Variants in CNTNAP2 observed in about 807,000 individuals in gnomAD.
CNTNAP2 encodes contactin associated protein 2.
In CNTNAP2, 98 loss-of-function variants were observed where a neutral mutation model predicts 155.2. That is an observed-to-expected ratio of 0.63 (90% CI 0.54 to 0.75). The LOEUF (loss-of-function observed/expected upper bound fraction) is 0.75, where lower values mean the gene tolerates loss of function less well. Among genes scored for constraint, CNTNAP2 ranks in the 30% least tolerant of loss-of-function variants. CNTNAP2 has a pLI of 0.00. For synonymous variants in CNTNAP2, 651 were observed against 631.2 expected (o/e 1.03, Z -0.47); for missense variants, 1,727 against 1,688.1 (o/e 1.02, Z -0.40).
intron 1 of CNTNAP2, among the ~76,000 whole-genome samples, chr7:146,574,510 G>A (rs1044624523): frequency 6.6e-6 from 1 of 152,082 alleles, no homozygotes; most frequent in African/African-American, 2.4e-5. Flanking sequence ...AGACCATTCT[G>A]GCCAACATGG....
intron 13 of CNTNAP2, among the ~76,000 whole-genome samples, chr7:147,763,614 C>T (rs1797341195): frequency 6.6e-6 from 1 of 152,112 alleles, no homozygotes; most frequent in Non-Finnish European, 1.5e-5. Context: ...TTGTGTTTCT[C>T]TGAAGACTTA....
At chr7:146,888,383 TTAAC>T (rs745628019) in intron 3 of CNTNAP2, among the ~76,000 whole-genome samples, 13 of 152,276 alleles carry the variant, frequency 8.5e-5, no homozygotes, top group Non-Finnish European at 1.6e-4. Context: ...CACTTGTTAA[TTAAC>T]TTTCATTTAC....
At chr7:146,540,852 G>A (rs1797942540) in intron 1 of CNTNAP2, among the ~76,000 whole-genome samples, 1 of 152,024 alleles carries the variant, frequency 6.6e-6, no homozygotes, top group African/African-American at 2.4e-5. Context: ...ATTACAGAAT[G>A]CGTGTTTCAT....
chr7:146,880,243 G>A (rs1426334101), intron 3 of CNTNAP2, among the ~76,000 whole-genome samples: 2 of 152,074 alleles, frequency 1.3e-5, no homozygotes, highest in Non-Finnish European at 2.9e-5. Flanking sequence ...AGCCTATGGT[G>A]ATTAGGTCCT....
At chr7:146,777,598 C>G (rs941392361) in intron 2 of CNTNAP2, among the ~76,000 whole-genome samples, 2 of 150,484 alleles carry the variant, frequency 1.3e-5, no homozygotes, top group African/African-American at 2.4e-5. Flanking sequence ...GGGTCTTGCT[C>G]TGTTGCCTGG....
Position 146,348,232 on chromosome 7 carries a change from A to T in CNTNAP2, c.97+231259A>T, listed in dbSNP as rs187896830. 1.4e-3 allele frequency among the ~76,000 whole-genome samples: 211 copies of T among 152,242 alleles called. 2 individuals are homozygous for T. Among genetic ancestry groups the T allele is most frequent in the Admixed American group, 2.7e-3 (41 of 15,286 alleles). ...TCAGGAGTTCAAGATCAGCCTGGCC[A>T]ATATAGCAAAACCCTGTCTCTACTA... On this transcript the variant is annotated intron_variant, in intron 1 of 23. Transcript: ENST00000361727.
chr7:147,151,691 A>G (rs1174006165), intron 8 of CNTNAP2, among the ~76,000 whole-genome samples: 1 of 152,194 alleles, frequency 6.6e-6, no homozygotes, highest in Non-Finnish European at 1.5e-5. Context: ...AAAACTAAAA[A>G]AAAAATCATG....
intron 12 of CNTNAP2, among the ~76,000 whole-genome samples, chr7:147,581,350 T>TG (rs1314090997): frequency 6.6e-6 from 1 of 152,012 alleles, no homozygotes; most frequent in Non-Finnish European, 1.5e-5. Flanking sequence ...TACAAGTAAT[T>TG]TTGGGCTATT....
intron 2 of CNTNAP2, among the ~76,000 whole-genome samples, chr7:146,783,305 A>G (rs11766778): frequency 1.3e-5 from 2 of 152,180 alleles, no homozygotes; most frequent in African/African-American, 2.4e-5. Context: ...AATATATTCT[A>G]TCTTTTAAAT....
intron 1 of CNTNAP2, among the ~76,000 whole-genome samples, chr7:146,666,603 A>G (rs896388584): frequency 2.0e-5 from 3 of 152,126 alleles, no homozygotes; most frequent in Non-Finnish European, 2.9e-5. Flanking sequence ...GAACTAGTTT[A>G]CATTCCCACC....
At chr7:146,445,337 A>T (rs2129120870) in intron 1 of CNTNAP2, among the ~76,000 whole-genome samples, 1 of 152,296 alleles carries the variant, frequency 6.6e-6, no homozygotes, top group South Asian at 2.1e-4. Flanking sequence ...AAAAAGAGAA[A>T]TTTACTTGTG....
chr7:148,201,054 T>C (rs1221955670), intron 18 of CNTNAP2, among the ~76,000 whole-genome samples: 1 of 152,212 alleles, frequency 6.6e-6, no homozygotes, highest in Non-Finnish European at 1.5e-5. Flanking sequence ...AAATTCATCA[T>C]CTCCCTAATG....
chr7:148,214,062 C>A (rs1795595365), intron 18 of CNTNAP2, among the ~76,000 whole-genome samples: 1 of 152,228 alleles, frequency 6.6e-6, no homozygotes, highest in South Asian at 2.1e-4. Flanking sequence ...GGCTACCCAC[C>A]TCTGGCCCTC....
chr7:148,042,741 G>A (rs773599205), intron 15 of CNTNAP2, among the ~76,000 whole-genome samples: 3 of 152,108 alleles, frequency 2.0e-5, no homozygotes, highest in Non-Finnish European at 2.9e-5. Context: ...TGTTTACCTC[G>A]TCCCTCTTCA....
intron 8 of CNTNAP2, among the ~76,000 whole-genome samples, chr7:147,160,104 G>A (rs908930999): frequency 2.6e-5 from 4 of 151,990 alleles, no homozygotes; most frequent in Admixed American, 2.6e-4. Context: ...CACTGTGACT[G>A]ACAAATTGGT....
intron 16 of CNTNAP2, among the ~76,000 whole-genome samples, chr7:148,126,366 G>A (rs935543430): frequency 1.3e-5 from 2 of 152,316 alleles, no homozygotes; most frequent in African/African-American, 4.8e-5. Flanking sequence ...AATGAATGAG[G>A]TGCTAGTCTG....
chr7:146,133,817 CCTTGTAGTATAG>C (rs1212942347), intron 1 of CNTNAP2, among the ~76,000 whole-genome samples: 26 of 152,098 alleles, frequency 1.7e-4, no homozygotes, highest in Non-Finnish European at 3.1e-4. Flanking sequence ...GTTACTGTAG[CCTTGTAGTATAG>C]CTTGAAGTCA....
At chr7:147,365,084 T>C (rs1342736747) in intron 9 of CNTNAP2, among the ~76,000 whole-genome samples, 1 of 152,072 alleles carries the variant, frequency 6.6e-6, no homozygotes, top group Admixed American at 6.5e-5. Flanking sequence ...TTTCTATTCT[T>C]TACTTAGTTT....
At chr7:147,302,084 A>G (rs1306858851) in intron 9 of CNTNAP2, among the ~76,000 whole-genome samples, 1 of 152,242 alleles carries the variant, frequency 6.6e-6, no homozygotes, top group Non-Finnish European at 1.5e-5. Flanking sequence ...CTTATGAGTG[A>G]ATGAACTGGA....
Sources: allele counts gnomAD v4.1 joint callset (sites outside exome capture counted in the v4.1 genomes callset), GRCh38; gene constraint gnomAD v4.1.1; transcripts MANE v1.5; gene names NCBI Gene and HGNC (gene_info 2026-07-23, HGNC 2026-07-21).